PRKCZ: variants seen among roughly 807,000 people sequenced by gnomAD.
The protein encoded by PRKCZ is protein kinase C zeta.
Under a neutral mutation model 79.5 loss-of-function variants are expected in PRKCZ, and 33 were observed. That is an observed-to-expected ratio of 0.41 (90% confidence interval 0.31 to 0.55). The LOEUF (loss-of-function observed/expected upper bound fraction) is 0.55. PRKCZ is among the 20% of genes least tolerant of loss of function. PRKCZ has a pLI of 0.19. For synonymous variants in PRKCZ, 342 were observed against 320.9 expected (o/e 1.07, Z -0.70); for missense variants, 578 against 813.5 (o/e 0.71, Z 3.52).
At position 2,070,582 on chromosome 1, in the gene PRKCZ, A is replaced by G. The variant is rs536147611; in HGVS notation, c.334+10991A>G. ...AGGTCTCTGGATGCAAGGGTGGCAA[A>G]GTCGCCTTGGCCTGTGTAGGGGAAG... On this transcript the variant is annotated intron_variant, in intron 4 of 17. Transcript: ENST00000378567. Among the ~76,000 whole-genome samples the G allele has an allele frequency of 1.9e-4, 29 of 152,278 alleles. 3 individuals carry two copies. In the South Asian group the frequency reaches 5.8e-3, roughly 30 times the overall value.
chr1:2,103,298 T>A (rs1667812606), intron 4 of PRKCZ, among the ~76,000 whole-genome samples: 1 of 152,348 alleles, frequency 6.6e-6, no homozygotes, highest in South Asian at 2.1e-4. Flanking sequence ...CCCCAGTGAC[T>A]GGGAAAGGCT....
intron 4 of PRKCZ, among the ~76,000 whole-genome samples, chr1:2,062,451 A>G (rs1660771217): frequency 6.7e-6 from 1 of 150,028 alleles, no homozygotes; most frequent in Non-Finnish European, 1.5e-5. Context: ...TTCTGGTAAA[A>G]TGCACATAAC....
At chr1:2,111,096 C>T (rs1331348974) in intron 4 of PRKCZ, among the ~76,000 whole-genome samples, 3 of 152,162 alleles carry the variant, frequency 2.0e-5, no homozygotes, top group Non-Finnish European at 4.4e-5. Flanking sequence ...GTTGGGCCTG[C>T]TGCACCCATG....
At chr1:2,153,750 G>T (rs894182602) in intron 9 of PRKCZ, among the ~76,000 whole-genome samples, 1 of 152,246 alleles carries the variant, frequency 6.6e-6, no homozygotes, top group Non-Finnish European at 1.5e-5. Context: ...TGGAAGAGTC[G>T]CTGCTGCGGT....
At chr1:2,104,335 G>T (rs1450988476) in intron 4 of PRKCZ, among the ~76,000 whole-genome samples, 1 of 152,178 alleles carries the variant, frequency 6.6e-6, no homozygotes, top group Non-Finnish European at 1.5e-5. Flanking sequence ...TGGACTCCTA[G>T]CCCCACGGGC....
At chr1:2,086,001 T>C (rs986998650) in intron 4 of PRKCZ, among the ~76,000 whole-genome samples, 14 of 151,966 alleles carry the variant, frequency 9.2e-5, no homozygotes, top group Non-Finnish European at 1.9e-4. Flanking sequence ...TTGAAAGGAA[T>C]CTTGATCCTA....
intron 4 of PRKCZ, among the ~76,000 whole-genome samples, chr1:2,131,022 C>G (rs1674853227): frequency 6.6e-6 from 1 of 152,206 alleles, no homozygotes; most frequent in African/African-American, 2.4e-5. Flanking sequence ...ACTTGGCCTT[C>G]CCAGAAGAGG....
intron 16 of PRKCZ, 58 bp from the exon 17 acceptor site, chr1:2,184,525 C>T (rs779840498): frequency 1.1e-5 from 15 of 1,319,200 alleles, no homozygotes; most frequent in African/African-American, 2.9e-5. Flanking sequence ...GCAAAACACT[C>T]AATCTGGTAG....
chr1:2,050,748 G>A, intron 1 of PRKCZ, 47 bp downstream of exon 1: 2 of 1,052,094 alleles, frequency 1.9e-6, no homozygotes, highest in Non-Finnish European at 2.4e-6. Context: ...GGCAGGGAGG[G>A]CGGGGAGGGC....
intron 4 of PRKCZ, among the ~76,000 whole-genome samples, chr1:2,077,219 G>A (rs1406029165): frequency 6.6e-6 from 1 of 152,242 alleles, no homozygotes; most frequent in Non-Finnish European, 1.5e-5. Context: ...CGCTCTGGTG[G>A]GTGGAAGGGG....
At chr1:2,061,871 T>A (rs1258654196) in intron 4 of PRKCZ, among the ~76,000 whole-genome samples, 2 of 152,328 alleles carry the variant, frequency 1.3e-5, no homozygotes, top group African/African-American at 4.8e-5. Context: ...GACACCCTGC[T>A]CTGGTTGCCA....
intron 4 of PRKCZ, among the ~76,000 whole-genome samples, chr1:2,126,195 T>G (rs1673848445): frequency 6.6e-6 from 1 of 152,182 alleles, no homozygotes; most frequent in African/African-American, 2.4e-5. Flanking sequence ...CCTGTCAGCT[T>G]CCTCAATGGG....
intron 2 of PRKCZ, 56 bp downstream of exon 2, chr1:2,055,618 C>T: frequency 6.3e-7 from 1 of 1,578,040 alleles, no homozygotes; most frequent in Non-Finnish European, 8.6e-7. Flanking sequence ...TTCGCCAGGG[C>T]AGCCTCTGTG....
chr1:2,065,209 G>T (rs1661016408), intron 4 of PRKCZ, among the ~76,000 whole-genome samples: 1 of 152,144 alleles, frequency 6.6e-6, no homozygotes, highest in Non-Finnish European at 1.5e-5. Flanking sequence ...CTGCTGTTTT[G>T]CTGAATTTAT....
At chr1:2,095,118 A>G (rs1010214626) in intron 4 of PRKCZ, among the ~76,000 whole-genome samples, 8 of 152,266 alleles carry the variant, frequency 5.3e-5, no homozygotes, top group Admixed American at 2.6e-4. Flanking sequence ...AGTCCAAGCA[A>G]CATCACCACT....
chr1:2,156,286 G>A, intron 10 of PRKCZ, 194 bp downstream of exon 10: 2 of 530,180 alleles, frequency 3.8e-6, no homozygotes, highest in Admixed American at 3.0e-5. Context: ...ATGATCTGAA[G>A]TTATTTAATT....
intron 4 of PRKCZ, among the ~76,000 whole-genome samples, chr1:2,080,610 C>T (rs559911467): frequency 2.0e-4 from 30 of 152,324 alleles, no homozygotes; most frequent in Non-Finnish European, 4.1e-4. Context: ...AGGAGTAGAG[C>T]ACAAGCATTC....
chr1:2,152,573 G>A lies in PRKCZ; in HGVS notation c.876+1595G>A, dbSNP rs533399673. ...ATGCAAACAAAGTGTACAGTTAGGC[G>A]GCTTTTAGCATATTGAGATACAGAG... On this transcript the variant is annotated intron_variant, in intron 9 of 17. Coordinates refer to ENST00000378567, the MANE Select transcript of PRKCZ (RefSeq NM_002744.6). Among the ~76,000 whole-genome samples, 12 of 152,278 alleles carry A rather than the reference G, an allele frequency of 7.9e-5. No individual in the cohort carries two copies. In the South Asian group the frequency reaches 1.5e-3, roughly 18 times the overall value.
chr1:2,076,925 G>A (rs1203841256), intron 4 of PRKCZ, among the ~76,000 whole-genome samples: 6 of 152,260 alleles, frequency 3.9e-5, no homozygotes, highest in South Asian at 4.2e-4. Flanking sequence ...TCCTGAACAC[G>A]CGAAGGAGGG....
Sources: gnomAD v4.1 joint callset for allele counts (sites outside exome capture counted in the v4.1 genomes callset) on GRCh38, gnomAD v4.1.1 for gene constraint, MANE v1.5 for transcripts, NCBI Gene and HGNC (gene_info 2026-07-23, HGNC 2026-07-21) for gene names.